ALDH3B2: variants seen among roughly 807,000 people sequenced by gnomAD.
ALDH3B2 encodes aldehyde dehydrogenase 3 family member B2.
A neutral mutation model predicts 36.7 loss-of-function variants in ALDH3B2; 45 were observed. That is an observed-to-expected ratio of 1.23 (90% CI 0.97 to 1.57). The LOEUF (loss-of-function observed/expected upper bound fraction) is 1.57. ALDH3B2 is among the 40% of genes most tolerant of loss of function. The pLI is 0.00. For synonymous variants in ALDH3B2, 217 were observed against 226.5 expected (o/e 0.96, Z 0.38); for missense variants, 464 against 513.3 (o/e 0.90, Z 0.93).
chr11:67,665,514 G>T lies in ALDH3B2; in HGVS notation c.477C>A (p.Ala159=), dbSNP rs545687471. 1.0e-4 allele frequency: 165 copies of T among 1,613,948 alleles called. No homozygotes were observed. The highest frequency in any genetic ancestry group is 1.3e-4 in the Non-Finnish European group (155 of 1,180,004). ...AGTCAGGGGCCACGCAGGTCTGGCC[G>T]GCATTGAAGTAGCAGAACCAGGCCA... The change falls in exon 7 of 10, where the codon GCC becomes GCA. Residue 159 remains alanine, a synonymous_variant. Transcript: ENST00000349015.
intron 1 of ALDH3B2, among the ~76,000 whole-genome samples, chr11:67,680,796 G>A (rs1856355217): frequency 6.6e-6 from 1 of 152,154 alleles, no homozygotes; most frequent in African/African-American, 2.4e-5. Flanking sequence ...CTGAAGACTA[G>A]AGATGCTAAC....
chr11:67,663,009 C>T (rs1855786136), exon 10 of ALDH3B2: 1 of 639,866 alleles, frequency 1.6e-6, no homozygotes, highest in Non-Finnish European at 2.6e-6. Context: ...TCTGCGGCCT[C>T]TTGGCCTCTC....
At chr11:67,672,740 C>T (rs1476329804) in intron 1 of ALDH3B2, among the ~76,000 whole-genome samples, 3 of 151,374 alleles carry the variant, frequency 2.0e-5, no homozygotes, top group East Asian at 3.9e-4. Flanking sequence ...TAGGCATGCG[C>T]CCCCATGCCC....
chr11:67,668,439 G>C (rs1468786089), intron 1 of ALDH3B2, among the ~76,000 whole-genome samples: 1 of 152,140 alleles, frequency 6.6e-6, no homozygotes, highest in Non-Finnish European at 1.5e-5. Flanking sequence ...GGCTCAGGGG[G>C]ACACTCAAGA....
At chr11:67,665,480 A>C in exon 7 of ALDH3B2, 1 of 1,614,054 alleles carries the variant, frequency 6.2e-7, no homozygotes, top group East Asian at 2.2e-5. Flanking sequence ...TCGGGGCTGC[A>C]CAGGACGTAG....
At chr11:67,675,377 C>T (rs538906685), upstream of ALDH3B2, among the ~76,000 whole-genome samples, 43 of 152,278 alleles carry the variant, frequency 2.8e-4, no homozygotes, top group Non-Finnish European at 4.0e-4. Flanking sequence ...CAATGTTGCC[C>T]GCTAATGTTT....
chr11:67,672,017 C>T (rs1320996846), intron 1 of ALDH3B2, among the ~76,000 whole-genome samples: 1 of 135,634 alleles, frequency 7.4e-6, no homozygotes, highest in Non-Finnish European at 1.5e-5. Context: ...CTGTCCCTGC[C>T]TTTCTGGATG....
chr11:67,666,193 G>T, exon 6 of ALDH3B2: 1 of 1,614,064 alleles, frequency 6.2e-7, no homozygotes, highest in African/African-American at 1.3e-5. Flanking sequence ...CAGCACCACG[G>T]CAAAGCAGCT....
chr11:67,665,108 G>A (rs535403420), intron 7 of ALDH3B2, among the ~76,000 whole-genome samples, 177 bp downstream of exon 7: 54 of 152,302 alleles, frequency 3.5e-4, no homozygotes, highest in Middle Eastern at 3.4e-3. Flanking sequence ...GGCCTCATGG[G>A]GCCACAGGCT....
At chr11:67,665,447 C>G (rs376717625) in exon 7 of ALDH3B2, 1 of 1,613,978 alleles carries the variant, frequency 6.2e-7, no homozygotes, top group South Asian at 1.1e-5. Flanking sequence ...CTCTGCAGGG[C>G]GGGCAGCAGC....
upstream of ALDH3B2, among the ~76,000 whole-genome samples, chr11:67,678,635 A>G (rs182225427): frequency 7.6e-3 from 1,128 of 148,894 alleles, 12 homozygotes; most frequent in Non-Finnish European, 8.5e-3. Context: ...ATACTATGGT[A>G]CATATATATA....
At chr11:67,667,376 C>T in intron 2 of ALDH3B2, 97 bp downstream of exon 2, 1 of 361,496 alleles carries the variant, frequency 2.8e-6, no homozygotes, top group Non-Finnish European at 5.0e-6. Flanking sequence ...AGGAATAAAA[C>T]TAGGGACATA....
Position 67,670,475 on chromosome 11 carries a change from G to A in ALDH3B2, c.-244-2840C>T, listed in dbSNP as rs536937693. ...CGCATTGCTGAGGGCAGTGGGGGTGGGTGGTGAGCAGGGCCTTGGCATCCC... is the reference window on the plus strand; with the variant it reads ...CGCATTGCTGAGGGCAGTGGGGGTGAGTGGTGAGCAGGGCCTTGGCATCCC... On this transcript the variant is annotated intron_variant, in intron 1 of 9. Transcript: ENST00000349015. Among the ~76,000 whole-genome samples the A allele has an allele frequency of 3.3e-5, 5 of 152,250 alleles. No individual in the cohort carries two copies. In the East Asian group the frequency reaches 9.6e-4, roughly 29 times the overall value.
chr11:67,665,688 A>G lies in ALDH3B2; in HGVS notation c.320-17T>C, dbSNP rs754008380. On this transcript the variant is annotated splice_polypyrimidine_tract_variant and intron_variant, in intron 6 of 9. Transcript: ENST00000349015. ...GAGGGCTCCCTGGGCGTGGAAGGAA[A>G]CCAGAGTGGCCAGTCAGTGACCTGG... is the stretch of plus-strand genomic sequence containing the variant. The G allele has an allele frequency of 6.3e-7, 1 of 1,588,172 alleles. No individual in the cohort carries two copies. Among genetic ancestry groups the G allele is most frequent in the Non-Finnish European group, 8.6e-7 (1 of 1,166,734 alleles).
upstream of ALDH3B2, among the ~76,000 whole-genome samples, chr11:67,678,063 C>G (rs1470961868): frequency 6.6e-6 from 1 of 152,138 alleles, no homozygotes; most frequent in African/African-American, 2.4e-5. Flanking sequence ...ACAAATTCAA[C>G]ACAATCTCCA....
chr11:67,664,615 A>T (rs1591141266), intron 7 of ALDH3B2, 53 bp from the exon 8 acceptor site: 3 of 1,600,520 alleles, frequency 1.9e-6, no homozygotes, highest in Non-Finnish European at 2.6e-6. Flanking sequence ...GACTGCCCCC[A>T]GGGGTAGGGT....
rs1300852172 is a variant in ALDH3B2, at chr11:67,672,148, A to T, written c.-245+2289T>A. ...TGTGTGTGTGTGTATATATATATGTATTTTTTTTTTTTTTTTGAGACAGAC... is the reference window on the plus strand; with the variant it reads ...TGTGTGTGTGTGTATATATATATGTTTTTTTTTTTTTTTTTTGAGACAGAC... On this transcript the variant is annotated intron_variant, in intron 1 of 9. Transcript: ENST00000349015. 6.7e-3 allele frequency among the ~76,000 whole-genome samples: 648 copies of T among 96,070 alleles called. 27 individuals carry two copies. The highest frequency in any genetic ancestry group is 0.027 in the African/African-American group (553 of 20,850). 63.0% of individuals were successfully genotyped at this position (96,070 alleles called of 152,430 possible). A position where few individuals can be genotyped will look rare whatever the true frequency, so the allele number is the denominator to read the frequency against.
At position 67,674,418 on chromosome 11, in the gene ALDH3B2, C is replaced by G. The variant is rs1396935227; in HGVS notation, c.-245+19G>C. 6.5e-6 allele frequency: 1 copy of G among 153,096 alleles called. No individual in the cohort carries two copies. The highest frequency in any genetic ancestry group is 1.5e-5 in the Non-Finnish European group (1 of 68,638). The allele number at this position is 153,096 out of a possible 1,614,324, so 9.5% of individuals were successfully genotyped here. On this transcript the variant is annotated intron_variant, in intron 1 of 9. Transcript: ENST00000349015. ...TGAGCTCCCTCTGCCCGCCCCTCACCCCTGTGGCCCCACATAACCCAGCGT... is the reference window on the plus strand; with the variant it reads ...TGAGCTCCCTCTGCCCGCCCCTCACGCCTGTGGCCCCACATAACCCAGCGT...
chr11:67,670,038 GT>G (rs2134147178), intron 1 of ALDH3B2, among the ~76,000 whole-genome samples: 1 of 17,158 alleles, frequency 5.8e-5, no homozygotes, highest in Non-Finnish European at 3.2e-4. Context: ...GTGTCTGTGT[GT>G]GTATGGGTGT....
Sources: allele counts gnomAD v4.1 joint callset (sites outside exome capture counted in the v4.1 genomes callset), GRCh38; gene constraint gnomAD v4.1.1; transcripts MANE v1.5; gene names NCBI Gene and HGNC (gene_info 2026-07-23, HGNC 2026-07-21).